TPTE: variants seen among roughly 807,000 people sequenced by gnomAD.
The protein encoded by TPTE is putative tyrosine-protein phosphatase TPTE.
In TPTE, 59 loss-of-function variants were observed where a neutral mutation model predicts 84.1. That is an observed-to-expected ratio of 0.70 (90% CI 0.57 to 0.87). The LOEUF (loss-of-function observed/expected upper bound fraction) is 0.87, where lower values mean the gene tolerates loss of function less well. Among genes scored for constraint, TPTE ranks in the 40% least tolerant of loss-of-function variants. The probability of loss-of-function intolerance (pLI) is 0.00; values close to 1 mark genes in which losing one functional copy is unlikely to be tolerated. For missense variants in TPTE, 382 were observed against 659.6 expected (o/e 0.58, Z 4.61); for synonymous variants, 130 against 223.5 (o/e 0.58, Z 3.73).
At position 10,605,550 on chromosome 21, in the gene TPTE, T is replaced by G. The variant is rs770046700; in HGVS notation, c.1654T>G (p.Ter552GluextTer2). ...CAGTGATGTTGTAGCTGGATCCGAT[T>G]AAGTATAGCTCCCCCTTCCCCTTCT... is the stretch of plus-strand genomic sequence containing the variant. ...TSSDVVAGSD[*>E] The change falls in exon 24 of 24, where the codon TAA (stop) becomes GAA (glutamate). Residue 552 changes from the stop codon to glutamate, a stop_lost. Transcript: ENST00000618007. The G allele has an allele frequency of 6.2e-7, 1 of 1,614,094 alleles. No individual in the cohort carries two copies. Among genetic ancestry groups the G allele is most frequent in the East Asian group, 2.2e-5 (1 of 44,884 alleles).
At chr21:10,527,640 C>G (rs1436321110) in intron 3 of TPTE, among the ~76,000 whole-genome samples, 1 of 152,306 alleles carries the variant, frequency 6.6e-6, no homozygotes, top group Non-Finnish European at 1.5e-5. Flanking sequence ...ATGAGACTCT[C>G]TTCAAGAGTG....
At chr21:10,566,977 C>CAAAAAAA (rs141155041) in intron 10 of TPTE, among the ~76,000 whole-genome samples, 1 of 126,114 alleles carries the variant, frequency 7.9e-6, no homozygotes, top group African/African-American at 2.7e-5. Context: ...AACTCCATCT[C>CAAAAAAA]AAAAAAAAAA....
chr21:10,531,228 G>A (rs73891519), intron 3 of TPTE, among the ~76,000 whole-genome samples: 2,980 of 151,110 alleles, frequency 0.02, no homozygotes, highest in African/African-American at 0.07. Context: ...CCCCAATGTC[G>A]GAGGTGGGGC....
intron 2 of TPTE, among the ~76,000 whole-genome samples, 198 bp from the exon 3 acceptor site, chr21:10,527,157 T>TCACATACACA (rs1555885307): frequency 4.0e-5 from 6 of 150,394 alleles, no homozygotes; most frequent in East Asian, 3.9e-4. Flanking sequence ...TCTCTCTCTC[T>TCACATACACA]CACACACACA....
chr21:10,523,892 G>A (rs1346893680), intron 1 of TPTE, among the ~76,000 whole-genome samples: 1 of 152,308 alleles, frequency 6.6e-6, no homozygotes, highest in Non-Finnish European at 1.5e-5. Flanking sequence ...CACCATGGTT[G>A]AACTAGTTTA....
chr21:10,522,126 C>T (rs1219458005), intron 1 of TPTE, among the ~76,000 whole-genome samples: 1 of 152,312 alleles, frequency 6.6e-6, no homozygotes, highest in Non-Finnish European at 1.5e-5. Context: ...CCCCGAGGCG[C>T]CCGGCTCTCG....
At chr21:10,528,922 C>G (rs1261450481) in intron 3 of TPTE, among the ~76,000 whole-genome samples, 1 of 152,310 alleles carries the variant, frequency 6.6e-6, no homozygotes, top group Non-Finnish European at 1.5e-5. Context: ...CATGGTGGCT[C>G]AAGCCTGTAA....
At chr21:10,584,599 C>A (rs1204627325) in intron 17 of TPTE, among the ~76,000 whole-genome samples, 4 of 152,306 alleles carry the variant, frequency 2.6e-5, no homozygotes, top group Admixed American at 2.6e-4. Flanking sequence ...TCAGCCTCCA[C>A]CTCCCAAAGT....
chr21:10,597,676 A>G (rs1238663851), intron 20 of TPTE, among the ~76,000 whole-genome samples: 2 of 152,312 alleles, frequency 1.3e-5, no homozygotes, highest in East Asian at 1.9e-4. Flanking sequence ...CGCCCTCCCA[A>G]AGTGCTAGGA....
At chr21:10,556,409 A>G (rs1020033958) in intron 8 of TPTE, among the ~76,000 whole-genome samples, 4 of 152,312 alleles carry the variant, frequency 2.6e-5, no homozygotes, top group African/African-American at 4.8e-5. Context: ...TCCATGGTGT[A>G]TATGTGCCAC....
In TPTE at chr21:10,603,578, A is replaced by G. The variant is rs1978865832; in HGVS notation, c.1466A>G (p.Tyr489Cys). ...QFFYSNLPTY[Y>C]DNCSFYFWLH... ...TCTTTTTAGAATCTTCCTACATACT[A>G]TGACAATTGCTCATTTTACTTCTGG... is the stretch of plus-strand genomic sequence containing the variant. Residue 489 changes from tyrosine (Y) to cysteine (C), a missense_variant, in exon 23 of 24, where the codon TAT (tyrosine) becomes TGT (cysteine). Physicochemically the swap from Tyr to Cys is radical, Grantham distance 194. Coordinates refer to ENST00000618007, the MANE Select transcript of TPTE (RefSeq NM_199261.4). The G allele has an allele frequency of 6.2e-7, 1 of 1,612,584 alleles. No homozygotes were observed. The highest frequency in any genetic ancestry group is 8.5e-7 in the Non-Finnish European group (1 of 1,178,882).
At chr21:10,575,211 GTT>G (rs1300303737) in intron 14 of TPTE, among the ~76,000 whole-genome samples, 2 of 152,308 alleles carry the variant, frequency 1.3e-5, no homozygotes, top group African/African-American at 4.8e-5. Flanking sequence ...ACAAGGAAGA[GTT>G]CCCCACGACA....
At chr21:10,583,934 T>C (rs2075315062) in intron 17 of TPTE, among the ~76,000 whole-genome samples, 1 of 152,084 alleles carries the variant, frequency 6.6e-6, no homozygotes, top group South Asian at 2.1e-4. Context: ...CTCATCATCT[T>C]CTTCTTTTTC....
chr21:10,550,122 A>T (rs568499619), intron 7 of TPTE, among the ~76,000 whole-genome samples: 16 of 152,426 alleles, frequency 1.0e-4, no homozygotes, highest in African/African-American at 3.4e-4. Context: ...AAAAACCAAG[A>T]TAATTCATCA....
chr21:10,535,938 A>G (rs974604332), intron 3 of TPTE, among the ~76,000 whole-genome samples: 3 of 152,310 alleles, frequency 2.0e-5, no homozygotes, highest in African/African-American at 7.2e-5. Flanking sequence ...AAGAATTTAG[A>G]TGGGGTAAGA....
At chr21:10,527,314 T>C (rs1288171293) in intron 2 of TPTE, 41 bp from the exon 3 acceptor site, 2 of 152,770 alleles carry the variant, frequency 1.3e-5, no homozygotes, top group Non-Finnish European at 2.9e-5. Flanking sequence ...TTCCAAAATA[T>C]CTGACTTTAT....
At chr21:10,581,678 C>G (rs1828000) in intron 17 of TPTE, among the ~76,000 whole-genome samples, 11,425 of 136,492 alleles carry the variant, frequency 0.084, no homozygotes, top group Non-Finnish European at 0.11. Context: ...TATATTCTCC[C>G]CACATGTTGC....
At chr21:10,601,358 C>A (rs1325853605) in intron 21 of TPTE, among the ~76,000 whole-genome samples, 1 of 152,310 alleles carries the variant, frequency 6.6e-6, no homozygotes, top group Non-Finnish European at 1.5e-5. Context: ...CAAAAATTAG[C>A]TGGGCATGGT....
chr21:10,537,251 C>G (rs1477961843), intron 3 of TPTE, among the ~76,000 whole-genome samples: 2 of 152,306 alleles, frequency 1.3e-5, no homozygotes, highest in African/African-American at 4.8e-5. Flanking sequence ...GTGAGTAATT[C>G]AAACCAGAAA....
Sources: gnomAD v4.1 joint callset for allele counts (sites outside exome capture counted in the v4.1 genomes callset) on GRCh38, gnomAD v4.1.1 for gene constraint, MANE v1.5 for transcripts, NCBI Gene and HGNC (gene_info 2026-07-23, HGNC 2026-07-21) for gene names.